CEP63: variants seen among roughly 807,000 people sequenced by gnomAD.
The protein encoded by CEP63 is centrosomal protein of 63 kDa.
Under a neutral mutation model 89.1 loss-of-function variants are expected in CEP63, and 84 were observed. The ratio of observed to expected loss-of-function variants is 0.94; its 90% CI spans 0.79 to 1.13. The LOEUF (loss-of-function observed/expected upper bound fraction) is 1.13. CEP63 is among the 50% of genes most tolerant of loss of function. The probability of loss-of-function intolerance (pLI) is 0.00; values close to 1 mark genes in which losing one functional copy is unlikely to be tolerated. For missense variants in CEP63, 838 were observed against 813.3 expected (o/e 1.03, Z -0.37); for synonymous variants, 267 against 272.5 (o/e 0.98, Z 0.20).
chr3:134,604,257 A>AT, the CEP63 span: 1 of 1,613,908 alleles, frequency 6.2e-7, no homozygotes, highest in Admixed American at 1.7e-5. Context: ...TGTCCACATA[A>AT]TTGCACTTGA....
intron 10 of CEP63, among the ~76,000 whole-genome samples, chr3:134,586,040 A>G (rs1159005701): frequency 4.0e-5 from 6 of 151,544 alleles, no homozygotes; most frequent in South Asian, 4.2e-4. Context: ...TTTGCTTTCT[A>G]TTTGCTTAGT....
chr3:134,534,928 C>T (rs1232537399), intron 5 of CEP63, among the ~76,000 whole-genome samples: 2 of 152,078 alleles, frequency 1.3e-5, no homozygotes, highest in Non-Finnish European at 2.9e-5. Flanking sequence ...TGTGTCCACC[C>T]ACCTATCTGC....
the CEP63 span, chr3:134,619,901 A>T: frequency 1.3e-5 from 2 of 152,766 alleles, no homozygotes; most frequent in East Asian, 3.8e-4. Flanking sequence ...TGGAGTTGGG[A>T]TGGGAGCTGA....
the CEP63 span, among the ~76,000 whole-genome samples, chr3:134,688,458 G>T: frequency 6.6e-6 from 1 of 152,238 alleles, no homozygotes; most frequent in Non-Finnish European, 1.5e-5. Context: ...GGTGACGGTT[G>T]TACAGTGCCA....
the CEP63 span, among the ~76,000 whole-genome samples, chr3:134,669,128 C>T: frequency 3.9e-5 from 6 of 152,022 alleles, no homozygotes; most frequent in Non-Finnish European, 8.8e-5. Context: ...TGGGCTCAAA[C>T]AATCATCTCA....
chr3:134,600,093 G>C, the CEP63 span, among the ~76,000 whole-genome samples: 2 of 152,192 alleles, frequency 1.3e-5, no homozygotes, highest in East Asian at 3.8e-4. Context: ...ATAGACCTAA[G>C]ATAAACTGAG....
the CEP63 span, among the ~76,000 whole-genome samples, chr3:134,711,318 C>A: frequency 6.6e-6 from 1 of 151,930 alleles, no homozygotes; most frequent in Admixed American, 6.6e-5. Flanking sequence ...CTAAATTTAC[C>A]AAGTCTCCTT....
chr3:134,551,998 T>C lies in CEP63; in HGVS notation c.1453T>C (p.Leu485=), dbSNP rs1216538608. ...TTCTGAAATGGTGATGAAATTGGAA[T>C]TGGGTTTACATGAGGTACATAAATA... ...HLSEMVMKLE[L]GLHEAKEISL... Residue 485 remains leucine, a synonymous_variant, in exon 12 of 15, where the codon TTG becomes CTG. Coordinates refer to ENST00000675561, the MANE Select transcript of CEP63 (RefSeq NM_001353108.3). 6.3e-7 allele frequency: 1 copy of C among 1,598,896 alleles called. No homozygotes were observed. The highest frequency in any genetic ancestry group is 1.1e-5 in the South Asian group (1 of 90,274).
the CEP63 span, among the ~76,000 whole-genome samples, chr3:134,771,699 T>C: frequency 2.0e-5 from 3 of 152,178 alleles, no homozygotes; most frequent in East Asian, 3.8e-4. Context: ...GATGGGTTGA[T>C]GGGTGCAGCA....
chr3:134,632,347 T>C, the CEP63 span, among the ~76,000 whole-genome samples: 1 of 152,132 alleles, frequency 6.6e-6, no homozygotes, highest in South Asian at 2.1e-4. Context: ...ATCACCAAGA[T>C]GGACTATATC....
At chr3:134,749,832 G>A in the CEP63 span, among the ~76,000 whole-genome samples, 1 of 151,066 alleles carries the variant, frequency 6.6e-6, no homozygotes, top group African/African-American at 2.4e-5. Context: ...TAGGAGAGTT[G>A]AGCAGACAGG....
the CEP63 span, among the ~76,000 whole-genome samples, chr3:134,610,967 C>T: frequency 1.3e-5 from 2 of 152,174 alleles, no homozygotes; most frequent in Non-Finnish European, 2.9e-5. Flanking sequence ...GCAGGGGAAC[C>T]CCGGGGCAGG....
rs1950945837 is a variant in CEP63, at chr3:134,537,269, G to A, written c.555+1G>A. The A allele has an allele frequency of 1.3e-6, 2 of 1,572,736 alleles. No homozygotes were observed. Among genetic ancestry groups the A allele is most frequent in the Non-Finnish European group, 1.8e-6 (2 of 1,142,120 alleles). Reference sequence around the variant, plus strand: ...GGCTGAACAATCAGAGATAATTCAGGTAGGCCTAAGACTTTTTAAAATAAT... The same window carrying A: ...GGCTGAACAATCAGAGATAATTCAGATAGGCCTAAGACTTTTTAAAATAAT... On this transcript the variant is annotated splice_donor_variant, in intron 6 of 14. Coordinates refer to ENST00000675561, the MANE Select transcript of CEP63 (RefSeq NM_001353108.3). LOFTEE classifies it high-confidence loss of function.
At chr3:134,738,933 T>C in the CEP63 span, among the ~76,000 whole-genome samples, 1 of 150,452 alleles carries the variant, frequency 6.6e-6, no homozygotes, top group African/African-American at 2.5e-5. Context: ...GAAAACCATG[T>C]GAACCATTTT....
chr3:134,502,606 A>C (rs1026314972), intron 2 of CEP63, among the ~76,000 whole-genome samples: 2 of 152,112 alleles, frequency 1.3e-5, no homozygotes, highest in Non-Finnish European at 2.9e-5. Flanking sequence ...GCCTGTGTGC[A>C]TACAGATGTT....
the CEP63 span, among the ~76,000 whole-genome samples, chr3:134,750,139 C>G: frequency 6.6e-6 from 1 of 152,204 alleles, no homozygotes; most frequent in African/African-American, 2.4e-5. Flanking sequence ...CCATTAATAT[C>G]CCCTGACCAA....
downstream of CEP63, among the ~76,000 whole-genome samples, chr3:134,575,492 C>T (rs1202941738): frequency 8.4e-6 from 1 of 118,994 alleles, no homozygotes; most frequent in Non-Finnish European, 1.8e-5. Flanking sequence ...TCCCTCCCTC[C>T]CTTTCTTCCT....
the CEP63 span, among the ~76,000 whole-genome samples, chr3:134,614,390 A>G: frequency 6.6e-6 from 1 of 152,170 alleles, no homozygotes; most frequent in Non-Finnish European, 1.5e-5. Flanking sequence ...ATCCCAAGCC[A>G]CAATGAAAAC....
the CEP63 span, chr3:134,607,702 A>C: frequency 3.0e-6 from 3 of 985,766 alleles, no homozygotes; most frequent in Non-Finnish European, 3.6e-6. Flanking sequence ...TATGCCTCAG[A>C]GTGTGCAAAC....
Sources: gnomAD v4.1 joint callset for allele counts (sites outside exome capture counted in the v4.1 genomes callset) on GRCh38, gnomAD v4.1.1 for gene constraint, MANE v1.5 for transcripts, NCBI Gene and HGNC (gene_info 2026-07-23, HGNC 2026-07-21) for gene names.